The following RAB30 variants were observed in gnomAD, a reference collection of about 807,000 sequenced individuals.
RAB30 encodes RAB30, member RAS oncogene family.
RAB30 carries 9 observed loss-of-function variants against 25.1 expected under a neutral mutation model. The observed-to-expected ratio is 0.36, with a 90% CI of 0.22 to 0.63. The LOEUF (loss-of-function observed/expected upper bound fraction) is 0.63, where lower values mean the gene tolerates loss of function less well. Among genes scored for constraint, RAB30 ranks in the 20% least tolerant of loss-of-function variants. The pLI is 0.69. For synonymous variants in RAB30, 77 were observed against 86.4 expected, an observed-to-expected ratio of 0.89 and a Z score of 0.60; for missense variants, 140 against 243.5, an observed-to-expected ratio of 0.58 and a Z score of 2.83.
At chr11:83,053,136 T>A (rs1858390301) in intron 1 of RAB30, among the ~76,000 whole-genome samples, 1 of 152,066 alleles carries the variant, frequency 6.6e-6, no homozygotes, top group Admixed American at 6.6e-5. Context: ...CCTGGGTGGT[T>A]CCTCCAGAAA....
At chr11:82,992,004 T>C (rs1380098084) in intron 3 of RAB30, among the ~76,000 whole-genome samples, 1 of 152,204 alleles carries the variant, frequency 6.6e-6, no homozygotes, top group Non-Finnish European at 1.5e-5. Context: ...CATTCCTTAT[T>C]CACCCTTATT....
intron 1 of RAB30, among the ~76,000 whole-genome samples, chr11:83,014,634 A>AAAAAAAG (rs1555035113): frequency 1.8e-5 from 2 of 112,616 alleles, no homozygotes; most frequent in Non-Finnish European, 3.5e-5. Context: ...AGAAGTAAGA[A>AAAAAAAG]AAAGAAAGAA....
intron 1 of RAB30, among the ~76,000 whole-genome samples, chr11:83,042,997 G>A (rs1290245034): frequency 1.3e-5 from 2 of 152,076 alleles, no homozygotes; most frequent in Non-Finnish European, 2.9e-5. Context: ...TATTATTAAC[G>A]GTATTTGGAC....
chr11:83,026,999 G>A (rs772516247), intron 1 of RAB30, among the ~76,000 whole-genome samples: 7 of 152,094 alleles, frequency 4.6e-5, no homozygotes, highest in South Asian at 2.1e-4. Flanking sequence ...TAGAGCAGGC[G>A]TATAGGATGC....
intron 1 of RAB30, among the ~76,000 whole-genome samples, chr11:83,049,691 G>C (rs1858315918): frequency 6.6e-6 from 1 of 151,810 alleles, no homozygotes; most frequent in Non-Finnish European, 1.5e-5. Context: ...TCACTATGTT[G>C]CCCAGGCTGG....
chr11:83,021,499 A>T (rs73510124), intron 1 of RAB30, among the ~76,000 whole-genome samples: 10,352 of 152,236 alleles, frequency 0.068, 767 homozygotes, highest in African/African-American at 0.18. Flanking sequence ...ACAGAGAGCT[A>T]GCGCCCATGC....
rs181509080 is a variant in RAB30 at position 83,021,549 on chromosome 11, T to A, written c.-8-24225A>T. On this transcript the variant is annotated intron_variant, in intron 1 of 4. Transcript: ENST00000527633. ...GCCCGCCCGGCAGCAGCAGCTGGGATGTCTGGCTGTGCAGAGGCCAGACTC... is the reference window on the plus strand; with the variant it reads ...GCCCGCCCGGCAGCAGCAGCTGGGAAGTCTGGCTGTGCAGAGGCCAGACTC... 3.1e-3 allele frequency among the ~76,000 whole-genome samples: 472 copies of A among 152,370 alleles called. 1 individual carries two copies. The highest frequency in any genetic ancestry group is 0.011 in the African/African-American group (444 of 41,592).
At chr11:82,983,969 G>T (rs190689837) in intron 4 of RAB30, among the ~76,000 whole-genome samples, 1 of 152,038 alleles carries the variant, frequency 6.6e-6, no homozygotes, top group Non-Finnish European at 1.5e-5. Context: ...TTTGGCATAG[G>T]AAAAAGGAAA....
intron 1 of RAB30, among the ~76,000 whole-genome samples, chr11:83,047,608 G>T (rs897507905): frequency 6.6e-6 from 1 of 152,084 alleles, no homozygotes; most frequent in African/African-American, 2.4e-5. Flanking sequence ...ATAGAGCAAG[G>T]TAAAAGAAAA....
chr11:83,047,990 C>T (rs1858269907), intron 1 of RAB30, among the ~76,000 whole-genome samples: 1 of 152,166 alleles, frequency 6.6e-6, no homozygotes, highest in Non-Finnish European at 1.5e-5. Context: ...TGGCTCATAC[C>T]TGTAATCCCA....
intron 1 of RAB30, among the ~76,000 whole-genome samples, chr11:83,029,977 G>A (rs1262463010): frequency 6.6e-6 from 1 of 152,144 alleles, no homozygotes; most frequent in Non-Finnish European, 1.5e-5. Context: ...ACTTAAGTGG[G>A]AACTAAGCTG....
chr11:83,024,474 T>G (rs1214715402), intron 1 of RAB30, among the ~76,000 whole-genome samples: 1 of 152,158 alleles, frequency 6.6e-6, no homozygotes, highest in Non-Finnish European at 1.5e-5. Context: ...TCTTGAGCAG[T>G]TTTATGGAAG....
intron 1 of RAB30, among the ~76,000 whole-genome samples, chr11:83,045,097 T>C (rs938285585): frequency 1.7e-4 from 26 of 152,204 alleles, no homozygotes; most frequent in Non-Finnish European, 2.8e-4. Context: ...GGACTAGCCG[T>C]CAGCAGACCT....
chr11:82,984,404 T>A (rs1427889080), intron 4 of RAB30, among the ~76,000 whole-genome samples: 1 of 152,136 alleles, frequency 6.6e-6, no homozygotes, highest in Admixed American at 6.6e-5. Flanking sequence ...CATACTAGAA[T>A]CGTCTGGGGG....
intron 1 of RAB30, among the ~76,000 whole-genome samples, chr11:82,999,762 G>A (rs1029933995): frequency 6.6e-6 from 1 of 151,926 alleles, no homozygotes; most frequent in African/African-American, 2.4e-5. Flanking sequence ...GCCTCCCTGA[G>A]ATCTCAGCTT....
intron 1 of RAB30, among the ~76,000 whole-genome samples, chr11:83,005,204 G>C (rs1455889661): frequency 1.3e-5 from 2 of 152,146 alleles, no homozygotes. Context: ...GAAACTGAGG[G>C]TTTAGGTAAT....
At chr11:83,013,662 A>C (rs1857352957) in intron 1 of RAB30, among the ~76,000 whole-genome samples, 1 of 152,206 alleles carries the variant, frequency 6.6e-6, no homozygotes. Context: ...GAAGAAAACT[A>C]TAATTTCCCA....
At chr11:83,026,269 T>C (rs1195655964) in intron 1 of RAB30, among the ~76,000 whole-genome samples, 1 of 152,184 alleles carries the variant, frequency 6.6e-6, no homozygotes, top group Non-Finnish European at 1.5e-5. Context: ...TAGAATAGGA[T>C]ACGTGATATG....
chr11:83,054,758 T>A (rs1430384667), intron 1 of RAB30, among the ~76,000 whole-genome samples: 2 of 151,810 alleles, frequency 1.3e-5, no homozygotes, highest in Non-Finnish European at 1.5e-5. Flanking sequence ...CCCCAGCTAC[T>A]CAGGAGGCTG....
Sources: gnomAD v4.1 joint callset for allele counts (sites outside exome capture counted in the v4.1 genomes callset) on GRCh38, gnomAD v4.1.1 for gene constraint, MANE v1.5 for transcripts, NCBI Gene and HGNC (gene_info 2026-07-23, HGNC 2026-07-21) for gene names.